Variants in NSG2 observed in about 807,000 individuals in gnomAD.
NSG2 encodes the protein neuronal vesicle trafficking associated 2.
In NSG2, 4 loss-of-function variants were observed where a neutral mutation model predicts 16.9. The observed-to-expected ratio is 0.24, with a 90% confidence interval of 0.12 to 0.54. The LOEUF (loss-of-function observed/expected upper bound fraction) is 0.54, where lower values mean the gene tolerates loss of function less well. Among genes scored for constraint, NSG2 ranks in the 20% least tolerant of loss-of-function variants. The pLI is 0.95. For synonymous variants in NSG2, 98 were observed against 88.7 expected, an observed-to-expected ratio of 1.11 and a Z score of -0.59; for missense variants, 179 against 221.1, an observed-to-expected ratio of 0.81 and a Z score of 1.21.
intron 3 of NSG2, among the ~76,000 whole-genome samples, chr5:174,089,445 C>T (rs796556790): frequency 2.3e-4 from 35 of 152,140 alleles, no homozygotes; most frequent in African/African-American, 8.0e-4. Context: ...GTCAGGCTCA[C>T]TGAAAGATAG....
intron 3 of NSG2, among the ~76,000 whole-genome samples, chr5:174,074,420 C>T (rs906355489): frequency 2.0e-5 from 3 of 152,084 alleles, no homozygotes; most frequent in Non-Finnish European, 2.9e-5. Flanking sequence ...GGAAGCTACG[C>T]CTGGTACCTG....
chr5:174,068,883 G>A (rs1366831479), intron 3 of NSG2, among the ~76,000 whole-genome samples: 1 of 150,082 alleles, frequency 6.7e-6, no homozygotes, highest in East Asian at 2.0e-4. Context: ...TGGTGTCGTG[G>A]GAATCCTGGT....
In NSG2 at chr5:174,104,856, G is replaced by A. The variant is rs1476142937; in HGVS notation, c.324+518G>A. Among the ~76,000 whole-genome samples the A allele has an allele frequency of 2.0e-5, 3 of 152,220 alleles. No homozygotes were observed. The South Asian group carries it at 6.2e-4, about 32-fold the overall frequency. On this transcript the variant is annotated intron_variant, in intron 4 of 4. Coordinates refer to ENST00000303177, the MANE Select transcript of NSG2 (RefSeq NM_015980.5). ...GAGTTTTCTTGCCCCTCTGAACCTC[G>A]TTTTCTTGCCTGCAAAATGGGGGCT... is the stretch of plus-strand genomic sequence containing the variant.
At chr5:174,104,101 A>G in intron 3 of NSG2, 127 bp from the exon 4 acceptor site, 1 of 662,358 alleles carries the variant, frequency 1.5e-6, no homozygotes, top group South Asian at 1.8e-5. Flanking sequence ...AGACAGAGCC[A>G]GTTCCTTGGG....
intron 3 of NSG2, among the ~76,000 whole-genome samples, chr5:174,070,742 T>C (rs1760224592): frequency 6.6e-6 from 1 of 152,208 alleles, no homozygotes; most frequent in Non-Finnish European, 1.5e-5. Context: ...TGGGGCCTCC[T>C]CTGGGCTCTG....
At chr5:174,106,141 G>T (rs185710225) in intron 4 of NSG2, among the ~76,000 whole-genome samples, 15 of 152,288 alleles carry the variant, frequency 9.8e-5, no homozygotes, top group Admixed American at 8.5e-4. Flanking sequence ...GTTTTGGAAA[G>T]AAATTCAGGA....
intron 3 of NSG2, among the ~76,000 whole-genome samples, chr5:174,086,878 C>T (rs1341220462): frequency 6.6e-5 from 10 of 152,200 alleles, no homozygotes; most frequent in Admixed American, 6.5e-4. Flanking sequence ...AACGATTATA[C>T]CACAGCACAT....
intron 3 of NSG2, among the ~76,000 whole-genome samples, chr5:174,090,918 G>A (rs1377276885): frequency 6.6e-6 from 1 of 152,180 alleles, no homozygotes; most frequent in African/African-American, 2.4e-5. Flanking sequence ...TATCTGGCAG[G>A]GGAACCCCCA....
At chr5:174,047,976 T>C (rs560507478) in intron 2 of NSG2, among the ~76,000 whole-genome samples, 1 of 152,256 alleles carries the variant, frequency 6.6e-6, no homozygotes. Flanking sequence ...CTTCAACCAA[T>C]CAACAGAAGA....
At chr5:174,068,973 G>A (rs1290394361) in intron 3 of NSG2, among the ~76,000 whole-genome samples, 1 of 150,802 alleles carries the variant, frequency 6.6e-6, no homozygotes, top group African/African-American at 2.4e-5. Flanking sequence ...GTACTATGGA[G>A]GGTGCTGGTG....
intron 3 of NSG2, chr5:174,066,269 G>A (rs530287422): frequency 1.1e-5 from 5 of 456,220 alleles, no homozygotes; most frequent in South Asian, 7.7e-5. Context: ...AGTACTTGCA[G>A]GAATAAGCAG....
At chr5:174,099,812 C>T (rs1415610476) in intron 3 of NSG2, among the ~76,000 whole-genome samples, 1 of 152,070 alleles carries the variant, frequency 6.6e-6, no homozygotes, top group East Asian at 1.9e-4. Context: ...AGGAGGACGT[C>T]CCTGATGCCC....
rs1226105160 is a variant in NSG2, at chr5:174,107,782, A to G, written c.*277A>G. Reference sequence around the variant, plus strand: ...GATTGTTCCCATGTAAGATATTTTTAAAGCCACTGCTTATTCTTTGTTAGG... The same window carrying G: ...GATTGTTCCCATGTAAGATATTTTTGAAGCCACTGCTTATTCTTTGTTAGG... On this transcript the variant is annotated 3_prime_UTR_variant, in exon 5 of 5. Transcript: ENST00000303177. This position sits in a 1 kb window ranked among gnomAD's most constrained non-coding sequence, Gnocchi z 4.5. 3 of 627,776 alleles carry G rather than the reference A, an allele frequency of 4.8e-6. No homozygotes were observed. The highest frequency in any genetic ancestry group is 8.9e-6 in the Non-Finnish European group (3 of 338,096). 38.9% of individuals were successfully genotyped at this position (627,776 alleles called of 1,614,324 possible).
chr5:174,086,304 T>C (rs942838251), intron 3 of NSG2: 1 of 152,248 alleles, frequency 6.6e-6, no homozygotes, highest in Non-Finnish European at 1.5e-5. Context: ...GACAGGGTTG[T>C]TGAAAGGCTT....
intron 3 of NSG2, among the ~76,000 whole-genome samples, chr5:174,071,829 A>G (rs1581225513): frequency 6.6e-6 from 1 of 152,212 alleles, no homozygotes. Flanking sequence ...AGACAGGGTC[A>G]GGGAAGGTTG....
chr5:174,085,691 T>A (rs1460697188), intron 3 of NSG2, among the ~76,000 whole-genome samples: 3 of 152,154 alleles, frequency 2.0e-5, no homozygotes, highest in African/African-American at 7.2e-5. Flanking sequence ...CTGGTGAGAC[T>A]TGTGAGGGTT....
intron 2 of NSG2, among the ~76,000 whole-genome samples, chr5:174,052,521 A>C (rs1245321594): frequency 6.6e-6 from 1 of 152,178 alleles, no homozygotes; most frequent in Non-Finnish European, 1.5e-5. Flanking sequence ...TCTACTTGGT[A>C]GCTGAGGAAA....
intron 3 of NSG2, among the ~76,000 whole-genome samples, chr5:174,102,749 G>GTTT (rs34781452): frequency 6.8e-6 from 1 of 147,986 alleles, no homozygotes; most frequent in Admixed American, 6.7e-5. Context: ...GCCATGCTTT[G>GTTT]TTTTTTTTAT....
intron 2 of NSG2, among the ~76,000 whole-genome samples, chr5:174,054,962 A>G (rs562385218): frequency 2.0e-5 from 3 of 152,356 alleles, no homozygotes; most frequent in East Asian, 3.9e-4. Context: ...AGGAAAATAC[A>G]TAGCAAATGT....
Sources: gnomAD v4.1 joint callset for allele counts (sites outside exome capture counted in the v4.1 genomes callset) on GRCh38, gnomAD v4.1.1 for gene constraint, Gnocchi (gnomAD v3.1) non-coding constraint, MANE v1.5 for transcripts, NCBI Gene and HGNC (gene_info 2026-07-23, HGNC 2026-07-21) for gene names.